Variants in NPFFR2 observed in about 807,000 individuals in gnomAD.
The protein encoded by NPFFR2 is G-protein coupled receptor 74.
A neutral mutation model predicts 13.1 loss-of-function variants in NPFFR2; 15 were observed. The ratio of observed to expected loss-of-function variants is 1.15; its 90% confidence interval spans 0.77 to 1.76. The LOEUF (loss-of-function observed/expected upper bound fraction) is 1.76. Among genes scored for constraint, NPFFR2 ranks in the 40% most tolerant of loss-of-function variants. The pLI, the probability that NPFFR2 is intolerant of heterozygous loss-of-function variation, is 0.00. For missense variants in NPFFR2, 572 were observed against 503.5 expected (o/e 1.14, Z -1.30); for synonymous variants, 190 against 175.7 (o/e 1.08, Z -0.65).
At chr4:72,120,933 G>A (rs187947153) in intron 1 of NPFFR2, among the ~76,000 whole-genome samples, 33 of 152,040 alleles carry the variant, frequency 2.2e-4, no homozygotes, top group Non-Finnish European at 4.1e-4. Context: ...TTCAGAAGGT[G>A]GGTAATAACA....
intron 3 of NPFFR2, among the ~76,000 whole-genome samples, chr4:72,138,866 A>T (rs1722505409): frequency 6.6e-6 from 1 of 152,136 alleles, no homozygotes; most frequent in Non-Finnish European, 1.5e-5. Context: ...GAACTAGTTT[A>T]CACTCCTACC....
intron 1 of NPFFR2, among the ~76,000 whole-genome samples, chr4:72,122,818 C>A (rs2109829157): frequency 6.6e-6 from 1 of 152,238 alleles, no homozygotes; most frequent in South Asian, 2.1e-4. Flanking sequence ...CTAAAATTGA[C>A]ACCCTAACAT....
At position 72,146,120 on chromosome 4, in the gene NPFFR2, A is replaced by C. The variant is rs575004739; in HGVS notation, c.429-858A>C. Among the ~76,000 whole-genome samples the C allele has an allele frequency of 2.6e-5, 4 of 152,284 alleles. No homozygotes were observed. The East Asian group carries it at 7.7e-4, about 29-fold the overall frequency. On this transcript the variant is annotated intron_variant, in intron 3 of 3. Coordinates refer to ENST00000308744, the MANE Select transcript of NPFFR2 (RefSeq NM_004885.3). ...ATCAGCAAAACATTTAGTGGCTTCA[A>C]ACAATATTGGTTTATTACATCTCAT...
chr4:72,120,834 C>T (rs755979385), intron 1 of NPFFR2, among the ~76,000 whole-genome samples: 2 of 152,084 alleles, frequency 1.3e-5, no homozygotes, highest in Admixed American at 1.3e-4. Flanking sequence ...AACCAGAATG[C>T]CTTTTCTCCT....
At chr4:72,146,623 A>C (rs1161872472) in intron 3 of NPFFR2, 1 of 195,958 alleles carries the variant, frequency 5.1e-6, no homozygotes, top group Admixed American at 5.5e-5. Context: ...ATTATTGGTA[A>C]GATTTTTACA....
intron 1 of NPFFR2, among the ~76,000 whole-genome samples, chr4:72,036,339 T>C (rs1410916130): frequency 1.3e-5 from 2 of 152,036 alleles, no homozygotes; most frequent in Non-Finnish European, 2.9e-5. Context: ...TTTCTGTATA[T>C]ACTGATCCTT....
intron 3 of NPFFR2, among the ~76,000 whole-genome samples, chr4:72,138,576 G>A (rs534321438): frequency 2.3e-4 from 35 of 152,186 alleles, no homozygotes; most frequent in African/African-American, 8.2e-4. Flanking sequence ...CCATGTCCCT[G>A]TAAAGGACAT....
intron 1 of NPFFR2, among the ~76,000 whole-genome samples, chr4:72,084,381 T>C (rs1019276651): frequency 1.3e-5 from 2 of 152,136 alleles, no homozygotes; most frequent in African/African-American, 4.8e-5. Flanking sequence ...TGTGAAACTT[T>C]GGAAGGTGAT....
At chr4:72,048,733 A>C (rs532120060) in intron 1 of NPFFR2, among the ~76,000 whole-genome samples, 45 of 25,342 alleles carry the variant, frequency 1.8e-3, no homozygotes, top group East Asian at 0.015. Flanking sequence ...ATGTGAAATA[A>C]CTTATCTTTT....
chr4:72,116,504 G>A (rs542955385), intron 1 of NPFFR2, among the ~76,000 whole-genome samples: 7 of 151,756 alleles, frequency 4.6e-5, no homozygotes, highest in South Asian at 2.1e-4. Flanking sequence ...TTCGTACCCC[G>A]AACCTCACCA....
At chr4:72,094,670 C>T (rs1009728383) in intron 1 of NPFFR2, among the ~76,000 whole-genome samples, 49 of 152,296 alleles carry the variant, frequency 3.2e-4, no homozygotes, top group Admixed American at 3.1e-3. Context: ...GCTGATCTCA[C>T]TCCCTCTGTG....
At chr4:72,087,299 G>C (rs1720797734) in intron 1 of NPFFR2, among the ~76,000 whole-genome samples, 1 of 152,036 alleles carries the variant, frequency 6.6e-6, no homozygotes, top group Admixed American at 6.6e-5. Context: ...CTAAAAGCCT[G>C]GTTGTTTAAC....
intron 1 of NPFFR2, among the ~76,000 whole-genome samples, chr4:72,112,352 T>G (rs1721587764): frequency 6.6e-6 from 1 of 152,044 alleles, no homozygotes; most frequent in African/African-American, 2.4e-5. Context: ...TACACTGCTT[T>G]TTATAAACCA....
intron 1 of NPFFR2, among the ~76,000 whole-genome samples, chr4:72,104,994 T>C (rs1216219817): frequency 1.1e-5 from 1 of 88,158 alleles, no homozygotes; most frequent in Non-Finnish European, 2.8e-5. Flanking sequence ...TATCAAATTT[T>C]AAAAATGTAG....
chr4:72,070,565 G>GTAT (rs1490039904), intron 1 of NPFFR2, among the ~76,000 whole-genome samples: 1 of 137,144 alleles, frequency 7.3e-6, no homozygotes, highest in Non-Finnish European at 1.5e-5. Context: ...GTGTGTGGGG[G>GTAT]GGGGGGGTGG....
At chr4:72,116,231 ATG>A (rs574505496) in intron 1 of NPFFR2, among the ~76,000 whole-genome samples, 29 of 152,236 alleles carry the variant, frequency 1.9e-4, no homozygotes, top group Middle Eastern at 6.8e-3. Context: ...ATTTGTAGAC[ATG>A]TTTATTTCAC....
chr4:72,067,878 G>A (rs974317704), intron 1 of NPFFR2, among the ~76,000 whole-genome samples: 3 of 152,026 alleles, frequency 2.0e-5, no homozygotes, highest in South Asian at 2.1e-4. Context: ...AATAGTCTTC[G>A]CTAACCATGT....
intron 1 of NPFFR2, among the ~76,000 whole-genome samples, chr4:72,113,793 A>C (rs1250639657): frequency 6.6e-6 from 1 of 152,096 alleles, no homozygotes; most frequent in Non-Finnish European, 1.5e-5. Context: ...TTTGAGATGT[A>C]GTCTCAGGTT....
intron 1 of NPFFR2, among the ~76,000 whole-genome samples, chr4:72,074,058 G>C (rs942408795): frequency 6.8e-6 from 1 of 148,046 alleles, no homozygotes; most frequent in African/African-American, 2.5e-5. Flanking sequence ...TTCCCATAGT[G>C]AACTGCAGTT....
Sources: allele counts gnomAD v4.1 joint callset (sites outside exome capture counted in the v4.1 genomes callset), GRCh38; gene constraint gnomAD v4.1.1; transcripts MANE v1.5; gene names NCBI Gene and HGNC (gene_info 2026-07-23, HGNC 2026-07-21).